Variants in STK3 observed in about 807,000 individuals in gnomAD.
STK3 encodes serine/threonine-protein kinase 3.
A neutral mutation model predicts 58.0 loss-of-function variants in STK3; 41 were observed. The observed-to-expected ratio is 0.71, with a 90% CI of 0.55 to 0.92. The LOEUF is 0.92. Among genes scored for constraint, STK3 ranks in the 40% least tolerant of loss-of-function variants. STK3 has a pLI of 0.00. For synonymous variants in STK3, 170 were observed against 191.0 expected (o/e 0.89, Z 0.91); for missense variants, 479 against 602.7 (o/e 0.79, Z 2.15).
intron 4 of STK3, among the ~76,000 whole-genome samples, chr8:98,713,735 C>T (rs1360037728): frequency 6.6e-6 from 1 of 152,084 alleles, no homozygotes; most frequent in Non-Finnish European, 1.5e-5. Flanking sequence ...TGAAACTATT[C>T]CAATCAATAG....
In STK3 at chr8:98,454,656, A is replaced by G. The variant is rs1359481127; in HGVS notation, c.*1186T>C. 3 of 152,610 alleles carry G rather than the reference A, an allele frequency of 2.0e-5. No homozygotes were observed. The highest frequency in any genetic ancestry group is 7.2e-5 in the African/African-American group (3 of 41,444). 9.5% of individuals were successfully genotyped at this position (152,610 alleles called of 1,614,324 possible). A position where few individuals can be genotyped will look rare whatever the true frequency, so the allele number is the denominator to read the frequency against. ...TATGCTGGGTGGCACAGTGAAATTT[A>G]TTTGTCTTTATGATTTACACATAAT... On this transcript the variant is annotated 3_prime_UTR_variant, in exon 11 of 11. Coordinates refer to ENST00000419617, the MANE Select transcript of STK3 (RefSeq NM_006281.4).
intron 8 of STK3, among the ~76,000 whole-genome samples, chr8:98,567,591 T>C (rs555080686): frequency 6.6e-6 from 1 of 152,306 alleles, no homozygotes; most frequent in South Asian, 2.1e-4. Context: ...AGTTTTCCCT[T>C]CCCTGCTTGT....
intron 6 of STK3, 51 bp downstream of exon 6, chr8:98,706,416 C>T (rs144847936): frequency 2.5e-5 from 38 of 1,500,936 alleles, no homozygotes; most frequent in South Asian, 5.5e-5. Flanking sequence ...CATTACAAAA[C>T]GGCAACACTT....
At chr8:98,837,799 G>A (rs1442328044) in intron 3 of STK3, among the ~76,000 whole-genome samples, 9 of 152,132 alleles carry the variant, frequency 5.9e-5, no homozygotes, top group Non-Finnish European at 7.3e-5. Flanking sequence ...GGGCATGGTG[G>A]CACACACCTG....
intron 1 of STK3, among the ~76,000 whole-genome samples, chr8:98,899,544 T>C (rs1248555463): frequency 1.3e-5 from 2 of 152,176 alleles, no homozygotes; most frequent in East Asian, 3.8e-4. Context: ...CTAGAGATGA[T>C]TTAAAGTATG....
At chr8:98,429,689 A>C in intron 3 of STK3, 2 of 415,942 alleles carry the variant, frequency 4.8e-6, no homozygotes, top group Admixed American at 4.1e-5. Context: ...AGATGAGTAC[A>C]CCCAGAATGC....
intron 6 of STK3, among the ~76,000 whole-genome samples, chr8:98,605,876 T>C (rs955346134): frequency 6.6e-6 from 1 of 152,106 alleles, no homozygotes; most frequent in Non-Finnish European, 1.5e-5. Flanking sequence ...TAAGATGTGG[T>C]TGTTAAAAGT....
At chr8:98,603,779 G>A (rs1816552937) in intron 6 of STK3, among the ~76,000 whole-genome samples, 1 of 151,556 alleles carries the variant, frequency 6.6e-6, no homozygotes, top group South Asian at 2.1e-4. Context: ...AGGAAAGGAA[G>A]GAAGAAGGAA....
chr8:98,737,261 C>T (rs994908337), intron 4 of STK3, among the ~76,000 whole-genome samples: 19 of 152,086 alleles, frequency 1.2e-4, no homozygotes, highest in Admixed American at 5.9e-4. Context: ...CTCTACCTGA[C>T]ATACCCAAAT....
At chr8:98,718,278 C>T (rs573210432) in intron 4 of STK3, among the ~76,000 whole-genome samples, 3 of 152,200 alleles carry the variant, frequency 2.0e-5, no homozygotes, top group South Asian at 2.1e-4. Context: ...CAAGAAAAAG[C>T]TCACCATATT....
chr8:98,557,998 C>T (rs1199560595), intron 8 of STK3, among the ~76,000 whole-genome samples: 1 of 152,028 alleles, frequency 6.6e-6, no homozygotes, highest in Non-Finnish European at 1.5e-5. Flanking sequence ...AGTTTCCAAA[C>T]AAAAGATTAC....
At chr8:98,883,684 CT>C (rs1357341666), downstream of STK3, 1 of 702,938 alleles carries the variant, frequency 1.4e-6, no homozygotes, top group Non-Finnish European at 2.6e-6. Flanking sequence ...GTGCTCCATT[CT>C]TTTTTCTTGA....
At chr8:98,832,426 A>T (rs1742296521) in intron 3 of STK3, among the ~76,000 whole-genome samples, 1 of 152,124 alleles carries the variant, frequency 6.6e-6, no homozygotes, top group Admixed American at 6.5e-5. Flanking sequence ...AACCGAAGAC[A>T]CAGAGGCATC....
At chr8:98,421,111 G>A (rs765549554) in intron 3 of STK3, among the ~76,000 whole-genome samples, 4 of 152,198 alleles carry the variant, frequency 2.6e-5, no homozygotes, top group African/African-American at 4.8e-5. Flanking sequence ...TGAACGCACC[G>A]GAGGGCCTCA....
chr8:98,596,217 A>G, intron 6 of STK3, 48 bp from the exon 7 acceptor site: 1 of 1,544,014 alleles, frequency 6.5e-7, no homozygotes, highest in Non-Finnish European at 8.8e-7. Flanking sequence ...ACACTAGCAC[A>G]ATCAAATAAA....
chr8:98,870,984 T>A (rs780004455), intron 3 of STK3, among the ~76,000 whole-genome samples: 1 of 152,230 alleles, frequency 6.6e-6, no homozygotes, highest in Non-Finnish European at 1.5e-5. Flanking sequence ...AGGTCTAACA[T>A]TTAAGTCTTT....
intron 7 of STK3, among the ~76,000 whole-genome samples, chr8:98,592,790 G>A (rs1342837150): frequency 6.6e-6 from 1 of 151,022 alleles, no homozygotes; most frequent in Admixed American, 6.6e-5. Context: ...TTGAGACAGA[G>A]TCTCACTCTG....
chr8:98,632,152 A>G (rs1045133848), intron 6 of STK3, among the ~76,000 whole-genome samples: 1 of 152,238 alleles, frequency 6.6e-6, no homozygotes, highest in African/African-American at 2.4e-5. Context: ...AAAATCCATA[A>G]ACCTCGCAAA....
chr8:98,355,858 C>T, the STK3 span, among the ~76,000 whole-genome samples: 5 of 152,298 alleles, frequency 3.3e-5, no homozygotes, highest in East Asian at 5.8e-4. Flanking sequence ...GGTTGGATGG[C>T]GCTATGTAAC....
Sources: allele counts gnomAD v4.1 joint callset (sites outside exome capture counted in the v4.1 genomes callset), GRCh38; gene constraint gnomAD v4.1.1; transcripts MANE v1.5; gene names NCBI Gene and HGNC (gene_info 2026-07-23, HGNC 2026-07-21).